The following DIP2C variants were observed in gnomAD, a reference collection of about 807,000 sequenced individuals.
DIP2C encodes DIP2 acetate--CoA ligase C (putative).
A neutral mutation model predicts 192.4 loss-of-function variants in DIP2C; 33 were observed. The observed-to-expected ratio is 0.17, with a 90% CI of 0.13 to 0.23. The LOEUF (loss-of-function observed/expected upper bound fraction) is 0.23. DIP2C is among the 10% of genes least tolerant of loss of function. The probability of loss-of-function intolerance (pLI) is 1.00; values close to 1 mark genes in which losing one functional copy is unlikely to be tolerated. For missense variants in DIP2C, 1,537 were observed against 2,110.1 expected (o/e 0.73, Z 5.32); for synonymous variants, 979 against 864.1 (o/e 1.13, Z -2.33).
At position 318,731 on chromosome 10, in the gene DIP2C, C is replaced by T. The variant is rs191188183; in HGVS notation, c.3924+8275G>A. Among the ~76,000 whole-genome samples, 18 of 152,286 alleles carry T rather than the reference C, an allele frequency of 1.2e-4. No individual in the cohort carries two copies. The East Asian group carries it at 1.7e-3, about 15-fold the overall frequency. Reference sequence around the variant, plus strand: ...GGAAAGGGCATAAAGTTCCTGCTGACGGTGGCTCATTCCCTGAGGCTTTCA... The same window carrying T: ...GGAAAGGGCATAAAGTTCCTGCTGATGGTGGCTCATTCCCTGAGGCTTTCA... On this transcript the variant is annotated intron_variant, in intron 31 of 36. Coordinates refer to ENST00000280886, the MANE Select transcript of DIP2C (RefSeq NM_014974.3).
At chr10:427,009 AACT>A (rs1240515143) in intron 4 of DIP2C, among the ~76,000 whole-genome samples, 5 of 152,234 alleles carry the variant, frequency 3.3e-5, no homozygotes, top group Non-Finnish European at 7.3e-5. Context: ...TAAAATAGAA[AACT>A]ACTAAGTTTT....
intron 1 of DIP2C, among the ~76,000 whole-genome samples, chr10:542,681 G>A (rs1017329437): frequency 6.6e-6 from 1 of 151,972 alleles, no homozygotes; most frequent in African/African-American, 2.4e-5. Flanking sequence ...TGGGAAGTGG[G>A]GGGTTCTGAC....
intron 1 of DIP2C, among the ~76,000 whole-genome samples, chr10:606,239 AC>A (rs34929850): frequency 0.011 from 1,668 of 151,266 alleles, 28 homozygotes; most frequent in African/African-American, 0.037. Flanking sequence ...GGCTCCACCC[AC>A]CCCCCCAGAG....
chr10:657,132 A>ACTGGACCTGTCCCTGGACCTGCCC, intron 1 of DIP2C, among the ~76,000 whole-genome samples: 1 of 115,492 alleles, frequency 8.7e-6, no homozygotes, highest in African/African-American at 3.3e-5. Context: ...TGGACCTGCC[A>ACTGGACCTGTCCCTGGACCTGCCC]CTGGACCTGC....
chr10:356,518 C>G lies in DIP2C; in HGVS notation c.2905-12G>C, dbSNP rs766338195. On this transcript the variant is annotated splice_polypyrimidine_tract_variant and intron_variant, in intron 23 of 36. Transcript: ENST00000280886. ...GAGAGGAACAGGAACTGGAACAGAG[C>G]ACGGGCATGAGGATCAGGCTGTGCG... is the stretch of plus-strand genomic sequence containing the variant. 6.2e-7 allele frequency: 1 copy of G among 1,607,752 alleles called. No homozygotes were observed. Among genetic ancestry groups the G allele is most frequent in the Non-Finnish European group, 8.5e-7 (1 of 1,176,798 alleles).
Position 419,137 on chromosome 10 carries a change from T to C in DIP2C, c.667A>G (p.Arg223Gly). 1 of 1,614,282 alleles carries C rather than the reference T, an allele frequency of 6.2e-7. No individual in the cohort carries two copies. The highest frequency in any genetic ancestry group is 8.5e-7 in the Non-Finnish European group (1 of 1,180,054). ...CGGGACCCCGTGGAACCCTGCGGTC[T>C]CTCCACCTGTATCGAGTGCTCTGAG... ...YTSEHSIQVE[R>G]PQGSTGSRTA... Residue 223 changes from arginine to glycine, a missense_variant, in exon 6 of 37, where the codon AGA (arginine) becomes GGA (glycine). By Grantham distance (125) the Arg-to-Gly change is moderately radical. This residue lies in a region of DIP2C where 473 missense variants were observed against 539.6 expected (regional missense o/e 0.88). Transcript: ENST00000280886.
At chr10:480,053 T>C (rs547106363) in intron 2 of DIP2C, among the ~76,000 whole-genome samples, 4 of 140,784 alleles carry the variant, frequency 2.8e-5, no homozygotes, top group African/African-American at 8.2e-5. Context: ...GAGACCCGGT[T>C]CACGCTCACT....
intron 34 of DIP2C, among the ~76,000 whole-genome samples, chr10:284,132 G>C (rs573774866): frequency 2.0e-5 from 3 of 152,326 alleles, no homozygotes; most frequent in African/African-American, 7.2e-5. Context: ...GCAGGGCCTT[G>C]TAGACTCTGG....
chr10:358,407 G>A (rs1291833762), intron 22 of DIP2C, among the ~76,000 whole-genome samples: 1 of 149,510 alleles, frequency 6.7e-6, no homozygotes, highest in Non-Finnish European at 1.5e-5. Flanking sequence ...GTCGTGGGGT[G>A]GAGTCAGAGA....
intron 31 of DIP2C, among the ~76,000 whole-genome samples, chr10:314,203 C>T (rs1387534622): frequency 1.3e-5 from 2 of 152,220 alleles, no homozygotes; most frequent in Non-Finnish European, 2.9e-5. Context: ...ATGTTACCGG[C>T]TTAGAGAAGC....
At chr10:458,091 G>T (rs942412661) in intron 3 of DIP2C, among the ~76,000 whole-genome samples, 1 of 152,128 alleles carries the variant, frequency 6.6e-6, no homozygotes, top group Non-Finnish European at 1.5e-5. Context: ...AATGTAAAAG[G>T]CCCCACAAGG....
intron 3 of DIP2C, among the ~76,000 whole-genome samples, chr10:449,013 C>T (rs1968602519): frequency 7.7e-6 from 1 of 130,200 alleles, no homozygotes; most frequent in African/African-American, 3.0e-5. Flanking sequence ...GAAGGACCCA[C>T]TCATCCTCAT....
At chr10:524,095 C>T (rs1252739511) in intron 1 of DIP2C, among the ~76,000 whole-genome samples, 2 of 8,874 alleles carry the variant, frequency 2.3e-4, no homozygotes, top group African/African-American at 5.5e-4. Flanking sequence ...GTGACTGGAG[C>T]ACCCCTTCAG....
At chr10:366,666 T>A (rs1175741496) in intron 18 of DIP2C, among the ~76,000 whole-genome samples, 1 of 148,234 alleles carries the variant, frequency 6.7e-6, no homozygotes, top group African/African-American at 2.5e-5. Context: ...GCGCAAGTTG[T>A]ATTTAGGGGC....
intron 3 of DIP2C, among the ~76,000 whole-genome samples, chr10:460,969 G>C (rs1306223521): frequency 6.6e-6 from 1 of 152,120 alleles, no homozygotes; most frequent in African/African-American, 2.4e-5. Flanking sequence ...AAGTGAAGGA[G>C]AAATATAATC....
At chr10:672,443 T>G (rs1830698643) in intron 1 of DIP2C, among the ~76,000 whole-genome samples, 2 of 152,230 alleles carry the variant, frequency 1.3e-5, no homozygotes, top group Non-Finnish European at 2.9e-5. Flanking sequence ...GCACCCAGGA[T>G]GGCTGTGGAG....
chr10:430,955 T>A (rs894992983), intron 4 of DIP2C, among the ~76,000 whole-genome samples: 10 of 152,226 alleles, frequency 6.6e-5, no homozygotes, highest in Non-Finnish European at 1.3e-4. Flanking sequence ...GTTGTTCCAG[T>A]ACCATCTGTT....
Position 369,513 on chromosome 10 carries a change from G to A in DIP2C, c.2112C>T (p.Val704=), listed in dbSNP as rs1001337229. 9 of 1,552,956 alleles carry A rather than the reference G, an allele frequency of 5.8e-6. No individual in the cohort carries two copies. In the Admixed American group the frequency reaches 9.2e-5, roughly 16 times the overall value. The change falls in exon 18 of 37, where the codon GTC becomes GTT. Residue 704 remains valine, a synonymous_variant. Coordinates refer to ENST00000280886, the MANE Select transcript of DIP2C (RefSeq NM_014974.3). Reference sequence around the variant, plus strand: ...ACTCACCTCCAGGCATCACGAGGCCGACATCCTGCACGGTGAGCACGGACA... The same window carrying A: ...ACTCACCTCCAGGCATCACGAGGCCAACATCCTGCACGGTGAGCACGGACA... ...EKLSVLTVQD[V]GLVMPGAIMC... is the part of the protein sequence containing the mutation.
At chr10:353,567 A>G (rs533330973) in intron 24 of DIP2C, among the ~76,000 whole-genome samples, 10 of 151,592 alleles carry the variant, frequency 6.6e-5, no homozygotes, top group Non-Finnish European at 1.3e-4. Flanking sequence ...TTTTTTTTGT[A>G]TTTTAGTAGA....
Sources: gnomAD v4.1 joint callset for allele counts (sites outside exome capture counted in the v4.1 genomes callset) on GRCh38, gnomAD v4.1.1 for gene constraint, gnomAD v4.1.1 regional missense constraint, MANE v1.5 for transcripts, NCBI Gene and HGNC (gene_info 2026-07-23, HGNC 2026-07-21) for gene names.